Variants in CABP1 observed in about 807,000 individuals in gnomAD.
CABP1 encodes the protein calcium-binding protein 1.
A neutral mutation model predicts 34.3 loss-of-function variants in CABP1; 17 were observed. The observed-to-expected ratio is 0.50, with a 90% CI of 0.34 to 0.74. CABP1 has a LOEUF of 0.74. Ranked by LOEUF, CABP1 falls within the 30% of genes least tolerant of loss-of-function variation. The pLI is 0.01. For synonymous variants in CABP1, 198 were observed against 229.2 expected, an observed-to-expected ratio of 0.86 and a Z score of 1.23; for missense variants, 373 against 511.1, an observed-to-expected ratio of 0.73 and a Z score of 2.61.
Position 120,660,126 on chromosome 12 carries a change from G to A in CABP1, c.686-70G>A. The A allele has an allele frequency of 6.3e-7, 1 of 1,586,396 alleles. No homozygotes were observed. The highest frequency in any genetic ancestry group is 8.6e-7 in the Non-Finnish European group (1 of 1,162,436). ...CTCTTTCCATGCCGGTGGGCCTTTG[G>A]GCTGCCTTTGCCCACAGAGGCTCTG... is the stretch of plus-strand genomic sequence containing the variant. On this transcript the variant is annotated intron_variant, in intron 2 of 5. Coordinates refer to ENST00000316803, the MANE Select transcript of CABP1 (RefSeq NM_001033677.2). This position sits in a 1 kb window ranked among gnomAD's most constrained non-coding sequence, Gnocchi z 5.0.
intron 1 of CABP1, among the ~76,000 whole-genome samples, chr12:120,642,673 TTAA>T (rs1565993286): frequency 6.6e-6 from 1 of 152,134 alleles, no homozygotes; most frequent in African/African-American, 2.4e-5. Flanking sequence ...GTGCTTTGTG[TTAA>T]TGAGGAGGTG....
rs976153016 is a variant in CABP1, at chr12:120,661,067, C to G, written c.940-4C>G. 3 of 1,611,150 alleles carry G rather than the reference C, an allele frequency of 1.9e-6. No homozygotes were observed. Among genetic ancestry groups the G allele is most frequent in the Non-Finnish European group, 2.5e-6 (3 of 1,178,806 alleles). ...GACCTCTCCTTCCTTCCTGCCTTCT[C>G]TAGTTTGACACCAATGGTGATGGGG... On this transcript the variant is annotated splice_polypyrimidine_tract_variant and splice_region_variant and intron_variant, in intron 4 of 5. Transcript: ENST00000316803. This position sits in a 1 kb window ranked among gnomAD's most constrained non-coding sequence, Gnocchi z 5.1.
At position 120,641,182 on chromosome 12, in the gene CABP1, G is replaced by C. The variant is rs1486246721; in HGVS notation, c.497G>C (p.Arg166Pro). 10 of 1,240,922 alleles carry C rather than the reference G, an allele frequency of 8.1e-6. No individual in the cohort carries two copies. Among genetic ancestry groups the C allele is most frequent in the Non-Finnish European group, 1.0e-5 (10 of 995,126 alleles). The allele number at this position is 1,240,922 out of a possible 1,614,324, so 76.9% of individuals were successfully genotyped here. A position where few individuals can be genotyped will look rare whatever the true frequency, so the allele number is the denominator to read the frequency against. ...CCGTCGTCGCCGCTGCCGCCGGCCC[G>C]CGGGCGGGATGGGGAGGAACGGGGA... The part of the protein sequence containing the change: ...PSPSSPLPPA[R>P]GRDGEERGLS... Residue 166 changes from arginine (R) to proline (P), a missense_variant, in exon 1 of 6, where the codon CGC (arginine) becomes CCC (proline). This residue lies in a region of CABP1 where 121 missense variants were observed against 125.5 expected (regional missense o/e 0.96). Coordinates refer to ENST00000316803, the MANE Select transcript of CABP1 (RefSeq NM_001033677.2). The surrounding 1 kb of genome is among the most constrained non-coding windows in gnomAD (Gnocchi z 6.7).
Position 120,661,032 on chromosome 12 carries a change from A to G in CABP1, c.940-39A>G, listed in dbSNP as rs1880591706. Reference sequence around the variant, plus strand: ...TTGGGATCTGCTGCTGCCAATCGCCATGCTGGGGCGACCTCTCCTTCCTTC... The same window carrying G: ...TTGGGATCTGCTGCTGCCAATCGCCGTGCTGGGGCGACCTCTCCTTCCTTC... On this transcript the variant is annotated intron_variant, in intron 4 of 5. Transcript: ENST00000316803. This position sits in a 1 kb window ranked among gnomAD's most constrained non-coding sequence, Gnocchi z 5.1. 6.9e-6 allele frequency: 11 copies of G among 1,601,636 alleles called. No individual in the cohort carries two copies. Among genetic ancestry groups the G allele is most frequent in the Non-Finnish European group, 9.4e-6 (11 of 1,173,228 alleles).
At chr12:120,659,196 C>T (rs73222795) in intron 1 of CABP1, 7,637 of 152,350 alleles carry the variant, frequency 0.05, 239 homozygotes, top group South Asian at 0.1. Flanking sequence ...GACAGGGGAA[C>T]GTACAGGGAT....
At chr12:120,642,995 GAAA>G (rs55874841) in intron 1 of CABP1, among the ~76,000 whole-genome samples, 5 of 69,498 alleles carry the variant, frequency 7.2e-5, no homozygotes, top group Non-Finnish European at 2.5e-5. Flanking sequence ...CTCAGCTCCT[GAAA>G]AAAAAAAAAA....
At chr12:120,667,642 C>G (rs1881088644), downstream of CABP1, among the ~76,000 whole-genome samples, 1 of 152,122 alleles carries the variant, frequency 6.6e-6, no homozygotes, top group South Asian at 2.1e-4. Flanking sequence ...GCGCCCGCCA[C>G]CACGCCTGGC....
intron 5 of CABP1, among the ~76,000 whole-genome samples, chr12:120,662,799 C>G (rs955566469): frequency 1.3e-5 from 2 of 151,880 alleles, no homozygotes; most frequent in African/African-American, 4.8e-5. Context: ...ATTCTCCTGC[C>G]TCAGCCTCCC....
rs745417016 is a variant in CABP1 at position 120,660,845 on chromosome 12, C to T, written c.939+5C>T. 8.1e-6 allele frequency: 13 copies of T among 1,597,884 alleles called. No homozygotes were observed. Among genetic ancestry groups the T allele is most frequent in the Middle Eastern group, 1.7e-4 (1 of 6,058 alleles). On this transcript the variant is annotated splice_donor_5th_base_variant and intron_variant, in intron 4 of 5. Coordinates refer to ENST00000316803, the MANE Select transcript of CABP1 (RefSeq NM_001033677.2). The surrounding 1 kb of genome is among the most constrained non-coding windows in gnomAD (Gnocchi z 5.0). The stretch of plus-strand genomic sequence containing the variant: ...CTGCGAGATGCTTTCCGAGAGGTAA[C>T]GGACAGAGGCAGGCAGGCATGGGGC...
chr12:120,674,592 C>G, the CABP1 span, among the ~76,000 whole-genome samples: 3 of 152,146 alleles, frequency 2.0e-5, no homozygotes, highest in African/African-American at 7.2e-5. Context: ...CTGGTGTTAA[C>G]AAGCACATGT....
At chr12:120,650,566 G>T in intron 1 of CABP1, 3 of 1,611,238 alleles carry the variant, frequency 1.9e-6, no homozygotes, top group Non-Finnish European at 1.7e-6. Flanking sequence ...AGACTGGGAC[G>T]GAAGTCCCTC....
chr12:120,659,644 C>T, intron 1 of CABP1: 2 of 492,998 alleles, frequency 4.1e-6, no homozygotes, highest in Non-Finnish European at 7.2e-6. Flanking sequence ...TGTGCCCAGG[C>T]TGGTGGGGCT....
Position 120,660,637 on chromosome 12 carries a change from A to C in CABP1, c.830-94A>C, listed in dbSNP as rs1880566670. On this transcript the variant is annotated intron_variant, in intron 3 of 5. Coordinates refer to ENST00000316803, the MANE Select transcript of CABP1 (RefSeq NM_001033677.2). This position sits in a 1 kb window ranked among gnomAD's most constrained non-coding sequence, Gnocchi z 5.0. ...TTAAGTTTGTCTCTATCTGATGAGCAGGTCAAGGAGGGGTTGTCCATTCTG... is the reference window on the plus strand; with the variant it reads ...TTAAGTTTGTCTCTATCTGATGAGCCGGTCAAGGAGGGGTTGTCCATTCTG... 5 of 844,638 alleles carry C rather than the reference A, an allele frequency of 5.9e-6. No homozygotes were observed. Among genetic ancestry groups the C allele is most frequent in the South Asian group, 2.9e-5 (2 of 69,614 alleles). The allele number at this position is 844,638 out of a possible 1,614,324, so 52.3% of individuals were successfully genotyped here.
At chr12:120,658,355 C>T (rs562055813) in intron 1 of CABP1, among the ~76,000 whole-genome samples, 2 of 152,224 alleles carry the variant, frequency 1.3e-5, no homozygotes, top group South Asian at 2.1e-4. Flanking sequence ...GCCTTGGCCT[C>T]GTAAAGTGCT....
At chr12:120,679,026 T>TCA in the CABP1 span, among the ~76,000 whole-genome samples, 2 of 125,164 alleles carry the variant, frequency 1.6e-5, no homozygotes, top group African/African-American at 6.3e-5. Flanking sequence ...TGAGATGAGA[T>TCA]CACGCCACTG....
intron 1 of CABP1, among the ~76,000 whole-genome samples, chr12:120,649,232 C>A (rs60775406): frequency 9.2e-5 from 14 of 152,164 alleles, no homozygotes; most frequent in Non-Finnish European, 1.9e-4. Context: ...CGCCCCCACC[C>A]ATCTTCCTAA....
chr12:120,669,358 G>C (rs572740794), downstream of CABP1, among the ~76,000 whole-genome samples: 2 of 152,352 alleles, frequency 1.3e-5, no homozygotes, highest in Non-Finnish European at 2.9e-5. Context: ...TACTAGCTTG[G>C]CTCCGCCCAG....
chr12:120,647,842 A>G (rs745965117), intron 1 of CABP1, among the ~76,000 whole-genome samples: 6 of 149,516 alleles, frequency 4.0e-5, no homozygotes, highest in Non-Finnish European at 7.4e-5. Context: ...TATGCCTCCC[A>G]AAGTGCTGGG....
downstream of CABP1, among the ~76,000 whole-genome samples, chr12:120,668,677 C>G (rs1439953076): frequency 6.6e-6 from 1 of 152,238 alleles, no homozygotes; most frequent in Admixed American, 6.5e-5. Context: ...ACCCCAGGGA[C>G]TGCTATTCAG....
Sources: gnomAD v4.1 joint callset for allele counts (sites outside exome capture counted in the v4.1 genomes callset) on GRCh38, gnomAD v4.1.1 for gene constraint, gnomAD v4.1.1 regional missense constraint, Gnocchi (gnomAD v3.1) non-coding constraint, MANE v1.5 for transcripts, NCBI Gene and HGNC (gene_info 2026-07-23, HGNC 2026-07-21) for gene names.